Variants in ADAMTS19 observed in about 807,000 individuals in gnomAD.
ADAMTS19 encodes the protein A disintegrin and metalloproteinase with thrombospondin motifs 19.
A neutral mutation model predicts 153.3 loss-of-function variants in ADAMTS19; 93 were observed. That is an observed-to-expected ratio of 0.61 (90% confidence interval 0.51 to 0.72). The LOEUF is 0.72. Among genes scored for constraint, ADAMTS19 ranks in the 30% least tolerant of loss-of-function variants. ADAMTS19 has a pLI of 0.00. For synonymous variants in ADAMTS19, 600 were observed against 556.6 expected (o/e 1.08, Z -1.10); for missense variants, 1,482 against 1,552.1 (o/e 0.95, Z 0.76).
intron 7 of ADAMTS19, among the ~76,000 whole-genome samples, chr5:129,580,044 G>A (rs1035391488): frequency 2.0e-5 from 3 of 152,062 alleles, no homozygotes; most frequent in Non-Finnish European, 2.9e-5. Flanking sequence ...CCATTTTCAC[G>A]ATATTGATTC....
At chr5:129,656,274 A>C (rs1447255415) in intron 14 of ADAMTS19, among the ~76,000 whole-genome samples, 2 of 152,186 alleles carry the variant, frequency 1.3e-5, no homozygotes, top group South Asian at 4.1e-4. Flanking sequence ...AAAACACTTC[A>C]AGATTCTGGC....
chr5:129,562,793 G>A (rs1021655712), intron 7 of ADAMTS19, among the ~76,000 whole-genome samples: 3 of 152,088 alleles, frequency 2.0e-5, no homozygotes, highest in South Asian at 2.1e-4. Context: ...GAGAGGCTGT[G>A]TATCCTTTAC....
intron 6 of ADAMTS19, among the ~76,000 whole-genome samples, chr5:129,537,136 A>C (rs559779883): frequency 6.6e-6 from 1 of 152,176 alleles, no homozygotes; most frequent in Non-Finnish European, 1.5e-5. Context: ...GACACTTCTC[A>C]AAAGAAGACA....
intron 21 of ADAMTS19, among the ~76,000 whole-genome samples, chr5:129,716,643 G>C (rs1408903634): frequency 6.7e-6 from 1 of 149,086 alleles, no homozygotes; most frequent in Non-Finnish European, 1.5e-5. Flanking sequence ...GCTATCCTTG[G>C]CACTTCTTCC....
chr5:129,718,354 A>T (rs1019202355), intron 21 of ADAMTS19, among the ~76,000 whole-genome samples: 6 of 152,172 alleles, frequency 3.9e-5, no homozygotes, highest in Non-Finnish European at 7.4e-5. Flanking sequence ...TCCAAAAAAA[A>T]TAATGAATTA....
chr5:129,602,784 A>G (rs1750722400), intron 8 of ADAMTS19, among the ~76,000 whole-genome samples: 1 of 151,794 alleles, frequency 6.6e-6, no homozygotes, highest in Non-Finnish European at 1.5e-5. Context: ...TTCTCATTCT[A>G]AAATTAGGGA....
chr5:129,573,477 C>T (rs182456374), intron 7 of ADAMTS19, among the ~76,000 whole-genome samples: 2 of 152,158 alleles, frequency 1.3e-5, no homozygotes, highest in African/African-American at 4.8e-5. Flanking sequence ...ATTCTCATCT[C>T]TGTGTGATCA....
Position 129,701,557 on chromosome 5 carries a change from T to C in ADAMTS19, c.3124T>C (p.Cys1042Arg), listed in dbSNP as rs1755853980. ...TGCCCAGCGCTGTGAGGGCCAGGAC[T>C]GCATGACCGTGTGGGAGGCGGGAGT... is the stretch of plus-strand genomic sequence containing the variant. ...ASAQRCEGQDCMTVWEAGVWS... is the reference protein window; with the variant it reads ...ASAQRCEGQDRMTVWEAGVWS... Residue 1042 changes from cysteine to arginine, a missense_variant, in exon 20 of 23, where the codon TGC (cysteine) becomes CGC (arginine). Coordinates refer to ENST00000274487, the MANE Select transcript of ADAMTS19 (RefSeq NM_133638.6). 3.1e-6 allele frequency: 5 copies of C among 1,614,074 alleles called. No individual in the cohort carries two copies. Among genetic ancestry groups the C allele is most frequent in the Non-Finnish European group, 4.2e-6 (5 of 1,180,042 alleles).
At position 129,641,274 on chromosome 5, in the gene ADAMTS19, C is replaced by T. The variant is rs538835865; in HGVS notation, c.1771-585C>T. 2.9e-4 allele frequency among the ~76,000 whole-genome samples: 44 copies of T among 152,092 alleles called. No homozygotes were observed. The South Asian group carries it at 4.8e-3, about 16-fold the overall frequency. On this transcript the variant is annotated intron_variant, in intron 10 of 22. Coordinates refer to ENST00000274487, the MANE Select transcript of ADAMTS19 (RefSeq NM_133638.6). ...TATTTTTTATTCCCTTTAACATTTC[C>T]GTAGAAAAAATTTCATTGTGTTCTG...
chr5:129,500,048 G>A (rs1751047977), intron 2 of ADAMTS19, among the ~76,000 whole-genome samples: 1 of 152,106 alleles, frequency 6.6e-6, no homozygotes, highest in Admixed American at 6.6e-5. Context: ...GTTCTGAGAA[G>A]ACTTCTGGTA....
At chr5:129,683,503 T>C (rs1323864263) in intron 17 of ADAMTS19, among the ~76,000 whole-genome samples, 1 of 152,144 alleles carries the variant, frequency 6.6e-6, no homozygotes, top group Non-Finnish European at 1.5e-5. Flanking sequence ...ATACTACAAG[T>C]GGAAAATCAG....
intron 21 of ADAMTS19, among the ~76,000 whole-genome samples, chr5:129,727,965 C>T (rs1757276010): frequency 6.6e-6 from 1 of 152,054 alleles, no homozygotes; most frequent in East Asian, 1.9e-4. Flanking sequence ...GGGAGGTGGG[C>T]ACAAGATACT....
intron 3 of ADAMTS19, among the ~76,000 whole-genome samples, chr5:129,516,751 G>C (rs1374077017): frequency 1.5e-5 from 2 of 133,062 alleles, no homozygotes; most frequent in African/African-American, 7.1e-5. Flanking sequence ...GCAACCTTCT[G>C]TTTTATTGAT....
intron 21 of ADAMTS19, among the ~76,000 whole-genome samples, chr5:129,728,806 A>G (rs1757317830): frequency 6.6e-6 from 1 of 152,142 alleles, no homozygotes; most frequent in Non-Finnish European, 1.5e-5. Context: ...TGGTGTTTGT[A>G]TTTTTTACAA....
chr5:129,571,496 G>C (rs375123961), intron 7 of ADAMTS19, among the ~76,000 whole-genome samples: 4 of 151,434 alleles, frequency 2.6e-5, no homozygotes, highest in African/African-American at 9.7e-5. Flanking sequence ...CTGTATACTA[G>C]GATCTACAAA....
At chr5:129,497,224 AT>A (rs1162257556) in intron 2 of ADAMTS19, among the ~76,000 whole-genome samples, 1 of 152,060 alleles carries the variant, frequency 6.6e-6, no homozygotes, top group Non-Finnish European at 1.5e-5. Context: ...TGAAAAAAAA[AT>A]CAACCTTATA....
intron 11 of ADAMTS19, among the ~76,000 whole-genome samples, chr5:129,647,214 G>GAAAAAAAAAA (rs34958335): frequency 4.9e-5 from 5 of 102,308 alleles, no homozygotes; most frequent in African/African-American, 1.7e-4. Flanking sequence ...AATTCTTTCA[G>GAAAAAAAAAA]AAAAAAAAAA....
chr5:129,473,006 C>T (rs1198881366), intron 2 of ADAMTS19, among the ~76,000 whole-genome samples: 1 of 151,640 alleles, frequency 6.6e-6, no homozygotes, highest in Non-Finnish European at 1.5e-5. Context: ...GAGAGGTTAT[C>T]TATCCTGGAA....
At chr5:129,513,645 T>A (rs151036332) in intron 3 of ADAMTS19, among the ~76,000 whole-genome samples, 302 of 151,718 alleles carry the variant, frequency 2.0e-3, no homozygotes, top group African/African-American at 4.6e-3. Flanking sequence ...TTATTTTTTT[T>A]AAATTTTTTT....
Sources: allele counts gnomAD v4.1 joint callset (sites outside exome capture counted in the v4.1 genomes callset), GRCh38; gene constraint gnomAD v4.1.1; transcripts MANE v1.5; gene names NCBI Gene and HGNC (gene_info 2026-07-23, HGNC 2026-07-21).